SPATA31F3: variants seen among roughly 807,000 people sequenced by gnomAD.
SPATA31F3 encodes protein SPATA31F3.
chr9:34,890,737 T>C, the SPATA31F3 span, among the ~76,000 whole-genome samples: 3,215 of 152,342 alleles, frequency 0.021, 132 homozygotes, highest in East Asian at 0.19. Context: ...CCCTTGTTTT[T>C]ATGGGACTTC....
the SPATA31F3 span, chr9:34,895,517 G>A: frequency 2.5e-6 from 1 of 398,488 alleles, no homozygotes; most frequent in Non-Finnish European, 4.4e-6. Context: ...ACAAGAGAAA[G>A]CTCGGGGATA....
chr9:34,892,601 G>T, the SPATA31F3 span: 2 of 445,676 alleles, frequency 4.5e-6, no homozygotes, highest in Admixed American at 7.5e-5. Flanking sequence ...GTTGTTGTAG[G>T]TTTGGGAGCT....
chr9:34,894,922 AC>A, the SPATA31F3 span: 8 of 396,962 alleles, frequency 2.0e-5, no homozygotes, highest in Admixed American at 1.3e-4. Flanking sequence ...CCTGGGGGGT[AC>A]TAGAGTCTGC....
chr9:34,889,193 G>A, the SPATA31F3 span: 1 of 398,612 alleles, frequency 2.5e-6, no homozygotes, highest in Non-Finnish European at 4.4e-6. Flanking sequence ...TTTTTCTTGT[G>A]ATGGGTATTC....
chr9:34,890,205 C>T, the SPATA31F3 span, among the ~76,000 whole-genome samples: 1 of 152,314 alleles, frequency 6.6e-6, no homozygotes, highest in Non-Finnish European at 1.5e-5. Flanking sequence ...TGCCCCTACT[C>T]GCCCCTGAAC....
chr9:34,894,859 A>G, the SPATA31F3 span, among the ~76,000 whole-genome samples: 1 of 152,018 alleles, frequency 6.6e-6, no homozygotes, highest in Non-Finnish European at 1.5e-5. Flanking sequence ...GAATTTTTTA[A>G]TGTGCCTAGG....
the SPATA31F3 span, chr9:34,889,745 A>G: frequency 2.5e-6 from 1 of 397,480 alleles, no homozygotes; most frequent in Non-Finnish European, 4.4e-6. Flanking sequence ...TTTGCCCTGT[A>G]AAACATGGCC....
the SPATA31F3 span, among the ~76,000 whole-genome samples, chr9:34,890,521 C>T: frequency 1.1e-4 from 17 of 152,216 alleles, no homozygotes; most frequent in African/African-American, 3.6e-4. Context: ...GGAACTAGAT[C>T]ACTTGTAGCT....
the SPATA31F3 span, chr9:34,895,479 C>A: frequency 2.5e-6 from 1 of 397,936 alleles, no homozygotes. Flanking sequence ...AGTGAGGAGA[C>A]CCCTTTAAAA....
chr9:34,891,124 G>C, the SPATA31F3 span, among the ~76,000 whole-genome samples: 1 of 152,182 alleles, frequency 6.6e-6, no homozygotes, highest in African/African-American at 2.4e-5. Context: ...CCTGGGACAG[G>C]GTCTGGGCAG....
chr9:34,893,000 C>G, the SPATA31F3 span: 4 of 779,586 alleles, frequency 5.1e-6, no homozygotes, highest in Non-Finnish European at 8.7e-6. Context: ...GCAAGAGGAG[C>G]CCTGTGATGG....
the SPATA31F3 span, chr9:34,889,463 C>T: frequency 2.5e-6 from 1 of 398,554 alleles, no homozygotes; most frequent in South Asian, 1.3e-4. Flanking sequence ...TAGCTCCCCA[C>T]ACATGATCTT....
chr9:34,889,506 G>A, the SPATA31F3 span: 1 of 398,452 alleles, frequency 2.5e-6, no homozygotes, highest in African/African-American at 2.1e-5. Context: ...AATGTTTTTT[G>A]TCCTGTCTTG....
At chr9:34,889,502 T>C in the SPATA31F3 span, 2 of 398,490 alleles carry the variant, frequency 5.0e-6, no homozygotes, top group Non-Finnish European at 8.8e-6. Context: ...TCTCAATGTT[T>C]TTTGTCCTGT....
At chr9:34,895,112 A>C in the SPATA31F3 span, 2 of 398,408 alleles carry the variant, frequency 5.0e-6, no homozygotes, top group Non-Finnish European at 8.8e-6. Flanking sequence ...TAGAATGCAA[A>C]GCTGCTACAC....
chr9:34,895,502 G>T, the SPATA31F3 span: 1 of 398,346 alleles, frequency 2.5e-6, no homozygotes, highest in African/African-American at 2.1e-5. Flanking sequence ...CAAGGGCTAA[G>T]AGTAACAAGA....
the SPATA31F3 span, chr9:34,895,133 C>T: frequency 2.5e-6 from 1 of 398,442 alleles, no homozygotes; most frequent in East Asian, 3.6e-5. Flanking sequence ...CATTTTTTCC[C>T]ATATCTAAAA....
chr9:34,893,981 G>A, the SPATA31F3 span, among the ~76,000 whole-genome samples: 2 of 152,182 alleles, frequency 1.3e-5, no homozygotes, highest in African/African-American at 4.8e-5. Context: ...ATCTTAAGAA[G>A]AGGATAAGAT....
the SPATA31F3 span, chr9:34,894,985 C>T: frequency 7.5e-6 from 3 of 398,234 alleles, no homozygotes; most frequent in Non-Finnish European, 8.9e-6. Context: ...GGTCAGGATC[C>T]GTGGGAACCT....
Sources: gnomAD v4.1 joint callset for allele counts (sites outside exome capture counted in the v4.1 genomes callset) on GRCh38, gnomAD v4.1.1 for gene constraint, MANE v1.5 for transcripts, NCBI Gene and HGNC (gene_info 2026-07-23, HGNC 2026-07-21) for gene names.